The following CDH7 variants were observed in gnomAD, a reference collection of about 807,000 sequenced individuals.
CDH7 encodes the protein cadherin 7.
CDH7 carries 25 observed loss-of-function variants against 71.8 expected under a neutral mutation model. The ratio of observed to expected loss-of-function variants is 0.35; its 90% CI spans 0.25 to 0.49. The LOEUF is 0.49. Among genes scored for constraint, CDH7 ranks in the 20% least tolerant of loss-of-function variants. The probability of loss-of-function intolerance (pLI) is 0.99; values close to 1 mark genes in which losing one functional copy is unlikely to be tolerated. For synonymous variants in CDH7, 381 were observed against 363.8 expected, an observed-to-expected ratio of 1.05 and a Z score of -0.54; for missense variants, 862 against 974.6, an observed-to-expected ratio of 0.88 and a Z score of 1.54.
chr18:65,860,961 C>G (rs1913543064), intron 10 of CDH7, among the ~76,000 whole-genome samples: 1 of 152,154 alleles, frequency 6.6e-6, no homozygotes, highest in Admixed American at 6.6e-5. Flanking sequence ...GACTCACTGA[C>G]TTAATCATAG....
In CDH7 at chr18:65,809,863, G is replaced by T; in HGVS notation, c.370G>T (p.Ala124Ser). 1.2e-6 allele frequency: 2 copies of T among 1,613,980 alleles called. No homozygotes were observed. The highest frequency in any genetic ancestry group is 1.7e-6 in the Non-Finnish European group (2 of 1,180,004). The change falls in exon 3 of 12, where the codon GCG (alanine) becomes TCG (serine). Residue 124 changes from alanine to serine, a missense_variant. Physicochemically the swap from Ala to Ser is moderately conservative, Grantham distance 99. Coordinates refer to ENST00000397968, the MANE Select transcript of CDH7 (RefSeq NM_004361.5). ...EQAYYTLRAQ[A>S]LDRLTNKPVE... ...GGCCTACTACACGCTCCGAGCTCAA[G>T]CGCTGGATAGGCTCACCAACAAACC...
In CDH7 at chr18:65,845,380, TATAATCTGTGC is replaced by T. The variant is rs201603200; in HGVS notation, c.1235+1317_1235+1327del. 1.8e-4 allele frequency among the ~76,000 whole-genome samples: 28 copies of T among 152,136 alleles called. No individual in the cohort carries two copies. In the East Asian group the frequency reaches 5.4e-3, roughly 29 times the overall value. On this transcript the variant is annotated intron_variant, in intron 7 of 11. Coordinates refer to ENST00000397968, the MANE Select transcript of CDH7 (RefSeq NM_004361.5). ...GGTGATAATAGACCATTTCCGAGAG[TATAATCTGTGC>T]ACAAGAATATTTATGAATCACAAAT...
chr18:65,802,484 C>T (rs968952891), intron 2 of CDH7, among the ~76,000 whole-genome samples: 4 of 152,224 alleles, frequency 2.6e-5, no homozygotes, highest in South Asian at 2.1e-4. Flanking sequence ...TGGTTATAGA[C>T]GTTTTCTGCT....
intron 2 of CDH7, among the ~76,000 whole-genome samples, chr18:65,767,816 C>T (rs1012169436): frequency 9.9e-5 from 15 of 152,196 alleles, no homozygotes; most frequent in Admixed American, 2.0e-4. Context: ...TCTTATAATA[C>T]TGCAATAAGC....
chr18:65,849,134 A>G (rs1308870083), intron 7 of CDH7, among the ~76,000 whole-genome samples: 1 of 152,204 alleles, frequency 6.6e-6, no homozygotes, highest in African/African-American at 2.4e-5. Context: ...CAGATATTAT[A>G]TCTCTGAGAA....
chr18:65,761,150 G>T (rs1393112220), intron 1 of CDH7, among the ~76,000 whole-genome samples: 1 of 152,146 alleles, frequency 6.6e-6, no homozygotes, highest in Non-Finnish European at 1.5e-5. Flanking sequence ...CTCAGGTACA[G>T]TAATTAGATG....
At chr18:65,781,914 TTCTC>T (rs1308394188) in intron 2 of CDH7, among the ~76,000 whole-genome samples, 3 of 65,536 alleles carry the variant, frequency 4.6e-5, no homozygotes, top group Admixed American at 1.3e-4. Flanking sequence ...CTTTCTCTCT[TTCTC>T]TCTTTCTCTC....
At position 65,814,549 on chromosome 18, in the gene CDH7, A is replaced by G. The variant is rs1347280699; in HGVS notation, c.570A>G (p.Arg190=). 1.2e-6 allele frequency: 2 copies of G among 1,613,792 alleles called. No homozygotes were observed. Among genetic ancestry groups the G allele is most frequent in the Non-Finnish European group, 1.7e-6 (2 of 1,179,756 alleles). The part of the protein sequence containing the change: ...ADDPTYGNSA[R]VVYSILQGQP... ...ATCCTACATATGGCAACAGTGCCAG[A>G]GTGGTCTACAGTATTCTGCAAGGAC... The change falls in exon 4 of 12, where the codon AGA becomes AGG. Residue 190 remains arginine (R), a synonymous_variant. Coordinates refer to ENST00000397968, the MANE Select transcript of CDH7 (RefSeq NM_004361.5).
chr18:65,784,813 G>A (rs1190494728), intron 2 of CDH7, among the ~76,000 whole-genome samples: 1 of 152,046 alleles, frequency 6.6e-6, no homozygotes, highest in Non-Finnish European at 1.5e-5. Flanking sequence ...CAAATATGTC[G>A]AGAAGTTCTG....
intron 6 of CDH7, among the ~76,000 whole-genome samples, chr18:65,829,775 AGTGTGTGTGTGTGT>A (rs3061822): frequency 1.0e-4 from 14 of 138,200 alleles, no homozygotes; most frequent in African/African-American, 1.4e-4. Flanking sequence ...CAAGGAAGGG[AGTGTGTGTGTGTGT>A]GTGTGTGTGT....
chr18:65,846,873 C>T (rs1568217078), intron 7 of CDH7, among the ~76,000 whole-genome samples: 3 of 152,120 alleles, frequency 2.0e-5, no homozygotes, highest in Non-Finnish European at 4.4e-5. Context: ...TGAATCATGA[C>T]TTGAATATTA....
intron 7 of CDH7, among the ~76,000 whole-genome samples, chr18:65,857,376 T>C (rs927868526): frequency 4.7e-5 from 7 of 149,986 alleles, no homozygotes; most frequent in Non-Finnish European, 8.9e-5. Context: ...TAGCCAAATA[T>C]GGTGGTGCAT....
intron 7 of CDH7, among the ~76,000 whole-genome samples, chr18:65,855,695 A>G (rs2144023067): frequency 6.6e-6 from 1 of 152,308 alleles, no homozygotes. Context: ...AAGTGTACAC[A>G]GTATTGTTCA....
At chr18:65,876,249 T>C (rs932645534) in intron 11 of CDH7, among the ~76,000 whole-genome samples, 12 of 152,220 alleles carry the variant, frequency 7.9e-5, no homozygotes, top group African/African-American at 2.9e-4. Context: ...AAATGTTGAA[T>C]TGAATGTTGT....
chr18:65,783,977 C>T (rs1421513837), intron 2 of CDH7, among the ~76,000 whole-genome samples: 2 of 151,554 alleles, frequency 1.3e-5, no homozygotes, highest in African/African-American at 4.9e-5. Flanking sequence ...TTATTTGAGA[C>T]AGAGTCAGGC....
chr18:65,792,807 A>T (rs2143861875), intron 2 of CDH7, among the ~76,000 whole-genome samples: 1 of 152,286 alleles, frequency 6.6e-6, no homozygotes, highest in African/African-American at 2.4e-5. Context: ...TCCACAAAAT[A>T]CCCAATTACA....
chr18:65,760,404 T>C (rs1339473788), intron 1 of CDH7, among the ~76,000 whole-genome samples: 1 of 152,202 alleles, frequency 6.6e-6, no homozygotes, highest in Non-Finnish European at 1.5e-5. Context: ...TCCTCAAGTA[T>C]TGAATTCCAA....
At position 65,818,422 on chromosome 18, in the gene CDH7, C is replaced by T. The variant is rs138160289; in HGVS notation, c.626-3659C>T. Among the ~76,000 whole-genome samples the T allele has an allele frequency of 6.0e-3, 915 of 152,248 alleles. 8 individuals are homozygous for T. Among genetic ancestry groups the T allele is most frequent in the African/African-American group, 0.021 (883 of 41,546 alleles). On this transcript the variant is annotated intron_variant, in intron 4 of 11. Transcript: ENST00000397968. ...ATCATTGTTATCCAGTCAGAATGTG[C>T]ATGGGGGAGTACTTCTCACCTATAA...
chr18:65,840,478 C>T (rs1421100324), intron 6 of CDH7, among the ~76,000 whole-genome samples: 2 of 152,016 alleles, frequency 1.3e-5, no homozygotes, highest in East Asian at 3.9e-4. Flanking sequence ...GGCTGTGTCC[C>T]CACCCAAATC....
Sources: gnomAD v4.1 joint callset for allele counts (sites outside exome capture counted in the v4.1 genomes callset) on GRCh38, gnomAD v4.1.1 for gene constraint, MANE v1.5 for transcripts, NCBI Gene and HGNC (gene_info 2026-07-23, HGNC 2026-07-21) for gene names.